Variants in LTBP1 observed in about 807,000 individuals in gnomAD.
The protein encoded by LTBP1 is latent transforming growth factor beta binding protein 1.
LTBP1 carries 129 observed loss-of-function variants against 207.6 expected under a neutral mutation model. That is an observed-to-expected ratio of 0.62 (90% CI 0.54 to 0.72). The LOEUF is 0.72. Among genes scored for constraint, LTBP1 ranks in the 30% least tolerant of loss-of-function variants. The pLI is 0.00. For synonymous variants in LTBP1, 963 were observed against 833.7 expected, an observed-to-expected ratio of 1.16 and a Z score of -2.67; for missense variants, 2,281 against 2,217.2, an observed-to-expected ratio of 1.03 and a Z score of -0.58.
chr2:33,387,896 T>C (rs577991806), intron 31 of LTBP1, among the ~76,000 whole-genome samples: 2 of 152,306 alleles, frequency 1.3e-5, no homozygotes, highest in South Asian at 4.1e-4. Context: ...GGCCATTGCC[T>C]TGTGTGACTG....
chr2:33,291,161 C>T (rs958564324), intron 19 of LTBP1, among the ~76,000 whole-genome samples: 1 of 152,160 alleles, frequency 6.6e-6, no homozygotes, highest in Non-Finnish European at 1.5e-5. Flanking sequence ...ACACATCAGG[C>T]TACCCTAGAT....
chr2:33,025,484 G>T (rs2075373341), intron 3 of LTBP1, among the ~76,000 whole-genome samples: 1 of 152,142 alleles, frequency 6.6e-6, no homozygotes, highest in African/African-American at 2.4e-5. Context: ...CTTAAACAAG[G>T]CTTAAGAAAC....
intron 9 of LTBP1, among the ~76,000 whole-genome samples, chr2:33,230,241 T>G (rs2091708032): frequency 6.6e-6 from 1 of 152,224 alleles, no homozygotes; most frequent in Non-Finnish European, 1.5e-5. Context: ...TAGAATTACA[T>G]TATTTCCTTC....
At chr2:33,234,503 T>C (rs1257112634) in intron 9 of LTBP1, among the ~76,000 whole-genome samples, 1 of 152,026 alleles carries the variant, frequency 6.6e-6, no homozygotes, top group African/African-American at 2.4e-5. Flanking sequence ...TACCTAGGAA[T>C]ACAACTTACA....
chr2:33,364,384 G>C, intron 30 of LTBP1, 28 bp downstream of exon 30: 1 of 1,587,552 alleles, frequency 6.3e-7, no homozygotes, highest in Non-Finnish European at 8.5e-7. Flanking sequence ...GCAAACCTGT[G>C]TCCAAATAAC....
At chr2:33,162,139 C>G (rs1558731718) in intron 5 of LTBP1, among the ~76,000 whole-genome samples, 1 of 152,196 alleles carries the variant, frequency 6.6e-6, no homozygotes, top group Non-Finnish European at 1.5e-5. Context: ...ATCATCTTAA[C>G]TACCTTTTTG....
At chr2:33,256,181 CT>C (rs1036068703) in intron 11 of LTBP1, among the ~76,000 whole-genome samples, 1 of 151,914 alleles carries the variant, frequency 6.6e-6, no homozygotes, top group Non-Finnish European at 1.5e-5. Flanking sequence ...GTTAAATGAG[CT>C]GGTCACGGCC....
At chr2:33,231,598 A>G (rs994748225) in intron 9 of LTBP1, among the ~76,000 whole-genome samples, 14 of 152,212 alleles carry the variant, frequency 9.2e-5, no homozygotes, top group African/African-American at 1.9e-4. Context: ...TACTGTGAGC[A>G]GGTAAAGGCA....
At chr2:33,073,372 A>G (rs900975373) in intron 3 of LTBP1, among the ~76,000 whole-genome samples, 1 of 152,036 alleles carries the variant, frequency 6.6e-6, no homozygotes. Context: ...TAATCCAGAA[A>G]TGACCAGAGG....
At chr2:33,081,671 TG>T (rs2078412781) in intron 3 of LTBP1, among the ~76,000 whole-genome samples, 1 of 152,294 alleles carries the variant, frequency 6.6e-6, no homozygotes, top group East Asian at 1.9e-4. Context: ...CCCAAACTCA[TG>T]GTGCTGATAT....
At chr2:33,160,786 C>CT (rs1432841051) in intron 5 of LTBP1, among the ~76,000 whole-genome samples, 1 of 152,200 alleles carries the variant, frequency 6.6e-6, no homozygotes, top group African/African-American at 2.4e-5. Flanking sequence ...TGTACCCACT[C>CT]TATCTGTTGC....
chr2:33,246,676 C>G (rs1266182627), intron 10 of LTBP1, among the ~76,000 whole-genome samples: 1 of 152,122 alleles, frequency 6.6e-6, no homozygotes, highest in Non-Finnish European at 1.5e-5. Context: ...AACTCCTGCA[C>G]ATGGTTATGG....
chr2:33,333,001 G>GTAGA (rs2094514898), intron 24 of LTBP1: 1 of 152,262 alleles, frequency 6.6e-6, no homozygotes. Context: ...CTCAGCAAGG[G>GTAGA]TAGAGCTAGG....
intron 2 of LTBP1, among the ~76,000 whole-genome samples, chr2:32,977,780 T>C (rs1209419030): frequency 6.6e-6 from 1 of 152,176 alleles, no homozygotes; most frequent in African/African-American, 2.4e-5. Flanking sequence ...CCTGCGCAGC[T>C]TCACTCCTCT....
chr2:33,059,463 T>C (rs1018414401), intron 3 of LTBP1, among the ~76,000 whole-genome samples: 5 of 152,160 alleles, frequency 3.3e-5, no homozygotes, highest in Admixed American at 3.3e-4. Context: ...GACTCCTTTT[T>C]TGGTTTAGGC....
chr2:33,117,531 TTACAAGAGACA>T (rs2080817943), intron 4 of LTBP1, among the ~76,000 whole-genome samples: 2 of 152,184 alleles, frequency 1.3e-5, no homozygotes, highest in Admixed American at 1.3e-4. Flanking sequence ...TGGCAGAGAC[TTACAAGAGACA>T]TTCAAGATTT....
rs188674903 is a variant in LTBP1 at position 33,216,197 on chromosome 2, G to A, written c.1702-1355G>A. 4.1e-4 allele frequency among the ~76,000 whole-genome samples: 62 copies of A among 152,326 alleles called. 1 individual carries two copies. Among genetic ancestry groups the A allele is most frequent in the Admixed American group, 1.9e-3 (29 of 15,304 alleles). Reference sequence around the variant, plus strand: ...TTAACAAAAATGCATCTCAGAGGCAGTAGACTGTATAGACAGTGCTGTGGG... The same window carrying A: ...TTAACAAAAATGCATCTCAGAGGCAATAGACTGTATAGACAGTGCTGTGGG... On this transcript the variant is annotated intron_variant, in intron 7 of 33. Transcript: ENST00000404816.
At chr2:33,176,764 AT>A (rs1204267115) in intron 5 of LTBP1, among the ~76,000 whole-genome samples, 1 of 152,070 alleles carries the variant, frequency 6.6e-6, no homozygotes, top group Non-Finnish European at 1.5e-5. Context: ...CAAAGCTGTT[AT>A]GTATGCTTTG....
At chr2:32,953,779 A>G in intron 2 of LTBP1, among the ~76,000 whole-genome samples, 1 of 152,006 alleles carries the variant, frequency 6.6e-6, no homozygotes, top group Non-Finnish European at 1.5e-5. Flanking sequence ...GCTGTTTCTG[A>G]CCCTGTTATT....
Sources: gnomAD v4.1 joint callset for allele counts (sites outside exome capture counted in the v4.1 genomes callset) on GRCh38, gnomAD v4.1.1 for gene constraint, MANE v1.5 for transcripts, NCBI Gene and HGNC (gene_info 2026-07-23, HGNC 2026-07-21) for gene names.